The following CHODL variants were observed in gnomAD, a reference collection of about 807,000 sequenced individuals.
The protein encoded by CHODL is transmembrane protein MT75.
A neutral mutation model predicts 34.5 loss-of-function variants in CHODL; 29 were observed. That is an observed-to-expected ratio of 0.84 (90% confidence interval 0.63 to 1.15). The LOEUF is 1.15. Among genes scored for constraint, CHODL ranks in the 50% most tolerant of loss-of-function variants. CHODL has a pLI of 0.00. For missense variants in CHODL, 332 were observed against 332.5 expected (o/e 1.00, Z 0.01); for synonymous variants, 125 against 116.1 (o/e 1.08, Z -0.49).
At position 18,264,865 on chromosome 21, in the gene CHODL, C is replaced by A. The variant is rs568078334; in HGVS notation, c.738-1089C>A. ...CACATTGGTTTCAGAGACTGAGGCA[C>A]CAGTAAGCTTCCAGAAATCAAGTGA... On this transcript the variant is annotated intron_variant, in intron 5 of 5. Transcript: ENST00000299295. 3.7e-4 allele frequency among the ~76,000 whole-genome samples: 56 copies of A among 151,964 alleles called. 2 individuals carry two copies. In the South Asian group the frequency reaches 0.011, roughly 30 times the overall value.
rs138045721 is a variant in CHODL, at chr21:17,925,660, G to A, written c.-145+8260G>A. On this transcript the variant is annotated intron_variant, in intron 1 of 6. Transcript: ENST00000400127. ...GTTAACATCCACAAATTTTAAATTC[G>A]CCTGCGAGTAAAAGGATAAATTTAT... Among the ~76,000 whole-genome samples the A allele has an allele frequency of 8.1e-3, 1,239 of 152,164 alleles. 21 individuals carry two copies. The highest frequency in any genetic ancestry group is 0.027 in the African/African-American group (1,137 of 41,518).
At chr21:17,959,260 A>G (rs1568817248) in intron 1 of CHODL, among the ~76,000 whole-genome samples, 1 of 152,146 alleles carries the variant, frequency 6.6e-6, no homozygotes. Flanking sequence ...GTCATGAAGT[A>G]AAAATAACAT....
chr21:17,964,497 A>G (rs1056586706), intron 1 of CHODL, among the ~76,000 whole-genome samples: 1 of 152,246 alleles, frequency 6.6e-6, no homozygotes, highest in African/African-American at 2.4e-5. Context: ...ATGCTGTAAA[A>G]TACTTTTCTT....
chr21:18,202,939 G>A (rs2146711643), intron 2 of CHODL, among the ~76,000 whole-genome samples: 1 of 152,238 alleles, frequency 6.6e-6, no homozygotes, highest in South Asian at 2.1e-4. Flanking sequence ...TTCTTAGCGT[G>A]AATAATTTAA....
intron 2 of CHODL, among the ~76,000 whole-genome samples, chr21:18,044,507 G>A (rs554800180): frequency 6.6e-6 from 1 of 151,840 alleles, no homozygotes; most frequent in Non-Finnish European, 1.5e-5. Context: ...TTCACTTTGC[G>A]CTGTAACCTA....
chr21:18,147,180 A>G (rs966878302), intron 2 of CHODL, among the ~76,000 whole-genome samples: 1 of 152,242 alleles, frequency 6.6e-6, no homozygotes, highest in African/African-American at 2.4e-5. Flanking sequence ...TTTGGGCTTA[A>G]AAATCACATG....
At chr21:18,225,623 TTATA>T (rs1357883858) in intron 2 of CHODL, among the ~76,000 whole-genome samples, 1 of 152,082 alleles carries the variant, frequency 6.6e-6, no homozygotes, top group Non-Finnish European at 1.5e-5. Context: ...ATAAAAAACT[TTATA>T]TATGGTACTC....
chr21:18,112,596 T>C (rs7275399), intron 2 of CHODL, among the ~76,000 whole-genome samples: 96,090 of 151,956 alleles, frequency 0.63, 30,845 homozygotes, highest in East Asian at 0.89. Context: ...AATAGAGAAC[T>C]CAGAAACAAA....
chr21:18,204,935 C>A (rs1339310643), intron 2 of CHODL, among the ~76,000 whole-genome samples: 4 of 152,128 alleles, frequency 2.6e-5, no homozygotes, highest in African/African-American at 9.7e-5. Flanking sequence ...AGAAAGAAAA[C>A]TCTAGTGTCA....
intron 1 of CHODL, among the ~76,000 whole-genome samples, chr21:18,000,210 A>G (rs1343183278): frequency 2.0e-5 from 3 of 152,128 alleles, no homozygotes. Context: ...CCTCAGTCAT[A>G]ACTGAGGCTG....
At chr21:18,137,164 G>C (rs1219959286) in intron 2 of CHODL, among the ~76,000 whole-genome samples, 1 of 152,010 alleles carries the variant, frequency 6.6e-6, no homozygotes, top group African/African-American at 2.4e-5. Context: ...CCTTATTTCT[G>C]AGGGTTTTAA....
chr21:17,927,491 T>C (rs2063238484), intron 1 of CHODL, among the ~76,000 whole-genome samples: 1 of 152,200 alleles, frequency 6.6e-6, no homozygotes, highest in Non-Finnish European at 1.5e-5. Flanking sequence ...TTCTGTGGTA[T>C]ATTTGCATTT....
At chr21:18,213,031 A>T (rs2073789459) in intron 2 of CHODL, among the ~76,000 whole-genome samples, 1 of 152,128 alleles carries the variant, frequency 6.6e-6, no homozygotes, top group Non-Finnish European at 1.5e-5. Context: ...TGGAGATGTG[A>T]TGGTTTGTTT....
Position 18,259,305 on chromosome 21 carries a change from A to G in CHODL, c.548-895A>G, listed in dbSNP as rs77159934. 6.5e-3 allele frequency among the ~76,000 whole-genome samples: 983 copies of G among 152,272 alleles called. 4 individuals are homozygous for G. The highest frequency in any genetic ancestry group is 9.2e-3 in the Non-Finnish European group (623 of 68,024). On this transcript the variant is annotated intron_variant, in intron 3 of 5. Coordinates refer to ENST00000299295, the MANE Select transcript of CHODL (RefSeq NM_024944.3). ...TATTGATTTAACAAATAGTTCCTTAAGGAAAAGAAAAATAGAAAATAGAGC... is the reference window on the plus strand; with the variant it reads ...TATTGATTTAACAAATAGTTCCTTAGGGAAAAGAAAAATAGAAAATAGAGC...
chr21:17,928,767 G>A (rs1334425659), intron 1 of CHODL, among the ~76,000 whole-genome samples: 3 of 152,246 alleles, frequency 2.0e-5, no homozygotes, highest in Admixed American at 2.0e-4. Flanking sequence ...AAATGTTTGG[G>A]GTGATTAGAG....
chr21:17,940,513 TG>T (rs1474451381), intron 1 of CHODL, among the ~76,000 whole-genome samples: 11 of 152,208 alleles, frequency 7.2e-5, no homozygotes, highest in Non-Finnish European at 1.3e-4. Context: ...GATTATATAG[TG>T]GTAGACTTTA....
chr21:18,129,640 G>A (rs2072627987), intron 2 of CHODL, among the ~76,000 whole-genome samples: 1 of 152,164 alleles, frequency 6.6e-6, no homozygotes, highest in South Asian at 2.1e-4. Flanking sequence ...ACCTTCAACA[G>A]ATCCTCAACT....
At chr21:17,974,328 A>G (rs796930743) in intron 1 of CHODL, among the ~76,000 whole-genome samples, 1 of 152,112 alleles carries the variant, frequency 6.6e-6, no homozygotes, top group Admixed American at 6.6e-5. Flanking sequence ...GCTGGAGTGC[A>G]ATGGTGCGGT....
intron 1 of CHODL, among the ~76,000 whole-genome samples, chr21:17,946,661 ATCT>A (rs142888921): frequency 0.42 from 63,786 of 151,510 alleles, 13,728 homozygotes; most frequent in East Asian, 0.64. Flanking sequence ...TTATGTAATG[ATCT>A]TCTTTGTTTC....
Sources: gnomAD v4.1 joint callset for allele counts (sites outside exome capture counted in the v4.1 genomes callset) on GRCh38, gnomAD v4.1.1 for gene constraint, MANE v1.5 for transcripts, NCBI Gene and HGNC (gene_info 2026-07-23, HGNC 2026-07-21) for gene names.